ST18: variants seen among roughly 807,000 people sequenced by gnomAD.
ST18 encodes ST18 C2H2C-type zinc finger transcription factor, also known as suppression of tumorigenicity 18 protein.
In ST18, 50 loss-of-function variants were observed where a neutral mutation model predicts 110.0. That is an observed-to-expected ratio of 0.45 (90% CI 0.36 to 0.58). ST18 has a LOEUF of 0.58. Among genes scored for constraint, ST18 ranks in the 20% least tolerant of loss-of-function variants. ST18 has a pLI of 0.00. For missense variants in ST18, 1,306 were observed against 1,280.1 expected (o/e 1.02, Z -0.31); for synonymous variants, 461 against 452.4 (o/e 1.02, Z -0.24).
At position 52,137,582 on chromosome 8, in the gene ST18, A is replaced by G. The variant is rs982350365; in HGVS notation, c.2169-99T>C. ...GGAGGAGGTAGCTTCTCTGTGCGAG[A>G]TAAGTTAACACAGTATAGGACATGC... On this transcript the variant is annotated intron_variant, in intron 17 of 25. Coordinates refer to ENST00000689386, the MANE Select transcript of ST18 (RefSeq NM_001352837.2). 12 of 1,166,238 alleles carry G rather than the reference A, an allele frequency of 1.0e-5. No homozygotes were observed. The South Asian group carries it at 1.3e-4, about 13-fold the overall frequency. The allele number at this position is 1,166,238 out of a possible 1,614,324, so 72.2% of individuals were successfully genotyped here. A position where few individuals can be genotyped will look rare whatever the true frequency, so the allele number is the denominator to read the frequency against.
intron 2 of ST18, among the ~76,000 whole-genome samples, chr8:52,378,569 G>A (rs752692570): frequency 3.2e-4 from 49 of 152,070 alleles, no homozygotes; most frequent in African/African-American, 8.2e-4. Flanking sequence ...GCAGGCAGTC[G>A]TATGAAAAAG....
chr8:52,239,065 G>A (rs78471325), intron 2 of ST18, among the ~76,000 whole-genome samples: 2 of 151,960 alleles, frequency 1.3e-5, no homozygotes, highest in Non-Finnish European at 2.9e-5. Context: ...TTGAAAATAT[G>A]CTAAGTGAAA....
chr8:52,300,226 G>C (rs2095697147), intron 2 of ST18, among the ~76,000 whole-genome samples: 1 of 152,136 alleles, frequency 6.6e-6, no homozygotes, highest in Non-Finnish European at 1.5e-5. Context: ...GCTTTTCTCT[G>C]TTTGTAACAT....
chr8:52,170,614 G>A (rs1028935087), intron 10 of ST18, among the ~76,000 whole-genome samples: 9 of 151,780 alleles, frequency 5.9e-5, no homozygotes, highest in Admixed American at 3.3e-4. Flanking sequence ...TACTTAAAAA[G>A]TTAAATACAA....
chr8:52,367,882 C>A (rs12114978), intron 2 of ST18, among the ~76,000 whole-genome samples: 1,917 of 152,266 alleles, frequency 0.013, 41 homozygotes, highest in African/African-American at 0.043. Context: ...AAATGACTGC[C>A]TTGTTTTCTT....
intron 2 of ST18, among the ~76,000 whole-genome samples, chr8:52,363,294 T>G (rs1282913378): frequency 6.6e-6 from 1 of 152,242 alleles, no homozygotes; most frequent in African/African-American, 2.4e-5. Context: ...CTTCATATTT[T>G]GAGGCTATAA....
intron 22 of ST18, among the ~76,000 whole-genome samples, chr8:52,128,575 A>G (rs2047995824): frequency 6.6e-6 from 1 of 152,188 alleles, no homozygotes; most frequent in South Asian, 2.1e-4. Context: ...TATAAATATA[A>G]TATGGATATA....
intron 2 of ST18, among the ~76,000 whole-genome samples, chr8:52,334,932 T>C (rs1811364600): frequency 1.3e-5 from 2 of 152,300 alleles, no homozygotes; most frequent in Non-Finnish European, 1.5e-5. Context: ...ACCGTCCCTT[T>C]TCTTGTCTCA....
intron 2 of ST18, among the ~76,000 whole-genome samples, chr8:52,387,968 C>CA (rs1564634437): frequency 6.6e-6 from 1 of 151,246 alleles, no homozygotes; most frequent in African/African-American, 2.4e-5. Context: ...CCCCCCGCCC[C>CA]ACGCCGGGCA....
chr8:52,215,057 C>T (rs865985498), intron 6 of ST18, among the ~76,000 whole-genome samples: 4 of 152,168 alleles, frequency 2.6e-5, no homozygotes, highest in Admixed American at 1.3e-4. Flanking sequence ...AGGAGGAATT[C>T]TTAAATATAA....
chr8:52,248,079 T>C (rs914329910), intron 2 of ST18, among the ~76,000 whole-genome samples: 10 of 151,816 alleles, frequency 6.6e-5, no homozygotes, highest in Non-Finnish European at 1.5e-4. Context: ...TGAAAAAAAA[T>C]GGTAAAGAAG....
At chr8:52,391,852 T>C (rs1839420581) in intron 2 of ST18, among the ~76,000 whole-genome samples, 2 of 152,116 alleles carry the variant, frequency 1.3e-5, no homozygotes, top group Admixed American at 6.5e-5. Context: ...GGATTTGAAC[T>C]ATGACTTGAA....
At chr8:52,186,821 A>C (rs1405072020) in intron 8 of ST18, among the ~76,000 whole-genome samples, 1 of 152,226 alleles carries the variant, frequency 6.6e-6, no homozygotes. Context: ...ATAATGTCCA[A>C]AACCAGCACA....
chr8:52,309,556 G>T (rs2095870249), intron 2 of ST18, among the ~76,000 whole-genome samples: 1 of 148,614 alleles, frequency 6.7e-6, no homozygotes, highest in South Asian at 2.1e-4. Flanking sequence ...AAATCACGTG[G>T]CTCATGGAAA....
At chr8:52,372,493 G>A (rs1177364862) in intron 2 of ST18, among the ~76,000 whole-genome samples, 1 of 152,226 alleles carries the variant, frequency 6.6e-6, no homozygotes, top group East Asian at 1.9e-4. Context: ...ACAGGAATGT[G>A]CTAGGCCTTC....
intron 5 of ST18, among the ~76,000 whole-genome samples, chr8:52,218,134 C>T (rs966813963): frequency 6.6e-6 from 1 of 152,046 alleles, no homozygotes; most frequent in African/African-American, 2.4e-5. Context: ...AAAAGCTGAA[C>T]ATAAGAAATC....
intron 2 of ST18, among the ~76,000 whole-genome samples, chr8:52,323,507 T>C (rs1564495323): frequency 1.3e-5 from 2 of 152,146 alleles, no homozygotes; most frequent in African/African-American, 4.8e-5. Flanking sequence ...AAGCTTCCCT[T>C]CTCCTGCTGG....
At chr8:52,127,096 G>A (rs898789397) in intron 22 of ST18, among the ~76,000 whole-genome samples, 2 of 152,104 alleles carry the variant, frequency 1.3e-5, no homozygotes, top group African/African-American at 4.8e-5. Context: ...CATCTGTAAA[G>A]AAATCATTTC....
At position 52,409,656 on chromosome 8, in the gene ST18, T is replaced by C. The variant is rs1311790083; in HGVS notation, c.-698A>G. The C allele has an allele frequency of 6.6e-6, 1 of 152,174 alleles. No homozygotes were observed. The highest frequency in any genetic ancestry group is 1.5e-5 in the Non-Finnish European group (1 of 67,996). The allele number at this position is 152,174 out of a possible 1,614,324, so 9.4% of individuals were successfully genotyped here. The stretch of plus-strand genomic sequence containing the variant: ...TTCCGAGATGTAAAACACCCACAGT[T>C]ACCTCAATTATTTTTCTCTCCTTAC... On this transcript the variant is annotated 5_prime_UTR_variant, in exon 1 of 26. Coordinates refer to ENST00000689386, the MANE Select transcript of ST18 (RefSeq NM_001352837.2).
Sources: gnomAD v4.1 joint callset for allele counts (sites outside exome capture counted in the v4.1 genomes callset) on GRCh38, gnomAD v4.1.1 for gene constraint, MANE v1.5 for transcripts, NCBI Gene and HGNC (gene_info 2026-07-23, HGNC 2026-07-21) for gene names.